Variants in DCC observed in about 807,000 individuals in gnomAD.
DCC encodes the protein DCC netrin 1 receptor, also known as netrin receptor DCC.
Under a neutral mutation model 172.5 loss-of-function variants are expected in DCC, and 58 were observed. The ratio of observed to expected loss-of-function variants is 0.34; its 90% CI spans 0.27 to 0.42. DCC has a LOEUF of 0.42. Among genes scored for constraint, DCC ranks in the 10% least tolerant of loss-of-function variants. The pLI is 1.00. For missense variants in DCC, 1,740 were observed against 1,791.0 expected (o/e 0.97, Z 0.51); for synonymous variants, 709 against 644.5 (o/e 1.10, Z -1.52).
At chr18:53,220,580 A>T (rs2055916654) in intron 12 of DCC, among the ~76,000 whole-genome samples, 2 of 152,188 alleles carry the variant, frequency 1.3e-5, no homozygotes, top group African/African-American at 4.8e-5. Context: ...ACTGCAGATG[A>T]TTGTATTTAT....
chr18:52,586,837 A>G (rs2033685444), intron 1 of DCC, among the ~76,000 whole-genome samples: 1 of 152,228 alleles, frequency 6.6e-6, no homozygotes, highest in African/African-American at 2.4e-5. Context: ...TCAAAAGGCC[A>G]TTCCAAAATT....
intron 9 of DCC, among the ~76,000 whole-genome samples, chr18:53,200,939 C>T (rs1482368187): frequency 6.6e-6 from 1 of 152,126 alleles, no homozygotes; most frequent in African/African-American, 2.4e-5. Flanking sequence ...GATATGGGCA[C>T]ACCTCACACT....
chr18:53,397,314 G>T lies in DCC; in HGVS notation c.2695G>T (p.Asp899Tyr). The change falls in exon 18 of 29, where the codon GAC (aspartate) becomes TAC (tyrosine). Residue 899 changes from aspartate (D) to tyrosine (Y), a missense_variant. Asp to Tyr is a radical substitution (Grantham distance 160). Coordinates refer to ENST00000442544, the MANE Select transcript of DCC (RefSeq NM_005215.4). ...FSASAKYKSE[D>Y]TTSLSYTATG... ...CTATTTCCTACTTGTATAGTCAGAA[G>T]ACACAACATCTCTAAGTTACACAGC... The T allele has an allele frequency of 1.2e-6, 2 of 1,613,388 alleles. No homozygotes were observed. Among genetic ancestry groups the T allele is most frequent in the Non-Finnish European group, 1.7e-6 (2 of 1,179,594 alleles).
intron 25 of DCC, among the ~76,000 whole-genome samples, chr18:53,475,746 G>A (rs2045754637): frequency 6.6e-6 from 1 of 152,204 alleles, no homozygotes; most frequent in Admixed American, 6.5e-5. Context: ...CCCCCACACA[G>A]AGTCCCTACT....
chr18:53,388,479 G>A (rs11082988), intron 16 of DCC, among the ~76,000 whole-genome samples: 64,424 of 152,050 alleles, frequency 0.42, 15,447 homozygotes, highest in Non-Finnish European at 0.55. Flanking sequence ...TAAGCATCAG[G>A]CTATAGAGTT....
At chr18:52,641,946 CAAA>C (rs913241472) in intron 1 of DCC, among the ~76,000 whole-genome samples, 1 of 150,522 alleles carries the variant, frequency 6.6e-6, no homozygotes, top group Non-Finnish European at 1.5e-5. Context: ...TTCACAATTG[CAAA>C]ATCATGGAAC....
chr18:53,390,075 T>C (rs1474735540), intron 16 of DCC, among the ~76,000 whole-genome samples: 1 of 152,182 alleles, frequency 6.6e-6, no homozygotes, highest in African/African-American at 2.4e-5. Flanking sequence ...CTTCCACTGC[T>C]ACACAAACCG....
chr18:53,369,439 T>G (rs1237755237), intron 15 of DCC, among the ~76,000 whole-genome samples: 1 of 151,858 alleles, frequency 6.6e-6, no homozygotes, highest in African/African-American at 2.4e-5. Context: ...CAATAAAATT[T>G]TACTTCTTTT....
intron 1 of DCC, among the ~76,000 whole-genome samples, chr18:52,478,364 T>C (rs1989156270): frequency 6.6e-6 from 1 of 152,198 alleles, no homozygotes; most frequent in African/African-American, 2.4e-5. Flanking sequence ...GAATCCCTGC[T>C]GAAGGGTTTA....
Position 52,771,197 on chromosome 18 carries a change from C to T in DCC, c.412+18823C>T, listed in dbSNP as rs183213152. Reference sequence around the variant, plus strand: ...GAGCTGGTGCTTGAGCCCAGATGCACGCACAGAATGGTACATGAAGCAGGC... The same window carrying T: ...GAGCTGGTGCTTGAGCCCAGATGCATGCACAGAATGGTACATGAAGCAGGC... On this transcript the variant is annotated intron_variant, in intron 2 of 28. Transcript: ENST00000442544. Among the ~76,000 whole-genome samples the T allele has an allele frequency of 6.8e-4, 103 of 152,164 alleles. 1 individual carries two copies. Among genetic ancestry groups the T allele is most frequent in the East Asian group, 6.8e-3 (35 of 5,172 alleles).
At chr18:52,410,009 C>G (rs1986790774) in intron 1 of DCC, among the ~76,000 whole-genome samples, 1 of 152,108 alleles carries the variant, frequency 6.6e-6, no homozygotes, top group African/African-American at 2.4e-5. Context: ...GCAGCATCAC[C>G]AGGACATCCC....
intron 1 of DCC, among the ~76,000 whole-genome samples, chr18:52,458,283 A>T (rs1384816397): frequency 1.3e-5 from 2 of 152,064 alleles, no homozygotes; most frequent in Non-Finnish European, 2.9e-5. Flanking sequence ...AGTTTATCCC[A>T]TGATCCTTCA....
At chr18:53,242,672 AC>A (rs1303385480) in intron 12 of DCC, among the ~76,000 whole-genome samples, 2 of 152,174 alleles carry the variant, frequency 1.3e-5, no homozygotes, top group Non-Finnish European at 2.9e-5. Context: ...GTCAATGACA[AC>A]CTGTTGTTGG....
At chr18:52,983,242 A>G (rs2041238802) in intron 5 of DCC, among the ~76,000 whole-genome samples, 1 of 152,170 alleles carries the variant, frequency 6.6e-6, no homozygotes, top group Admixed American at 6.5e-5. Context: ...CAACATTAGG[A>G]GTTAACCAGG....
intron 2 of DCC, among the ~76,000 whole-genome samples, chr18:52,899,602 G>A (rs562311956): frequency 3.3e-5 from 5 of 151,858 alleles, no homozygotes; most frequent in South Asian, 2.1e-4. Context: ...TGATCCGCCC[G>A]CCTCAGCCTC....
chr18:52,762,914 GGAAT>G (rs2037187033), intron 2 of DCC, among the ~76,000 whole-genome samples: 1 of 152,138 alleles, frequency 6.6e-6, no homozygotes, highest in South Asian at 2.1e-4. Flanking sequence ...GATCTGTAAA[GGAAT>G]GAGTTTACAC....
rs754277557 is a variant in DCC at position 53,066,178 on chromosome 18, G to A, written c.1261+12G>A. On this transcript the variant is annotated intron_variant, in intron 7 of 28. Coordinates refer to ENST00000442544, the MANE Select transcript of DCC (RefSeq NM_005215.4). The stretch of plus-strand genomic sequence containing the variant: ...TGTCCCTAAGCCTGGTAAGACAATG[G>A]GAACCTTGCTTTGGTACCTGGAATG... The A allele has an allele frequency of 1.9e-6, 3 of 1,611,662 alleles. No homozygotes were observed. Among genetic ancestry groups the A allele is most frequent in the South Asian group, 1.1e-5 (1 of 91,036 alleles).
intron 1 of DCC, among the ~76,000 whole-genome samples, chr18:52,538,254 T>C (rs1325870655): frequency 1.3e-5 from 2 of 152,188 alleles, no homozygotes; most frequent in African/African-American, 4.8e-5. Context: ...CTTTCTGCCT[T>C]CTTCACAGTA....
rs185904698 is a variant in DCC, at chr18:52,868,667, G to A, written c.413-37377G>A. Among the ~76,000 whole-genome samples, 76 of 152,296 alleles carry A rather than the reference G, an allele frequency of 5.0e-4. 1 individual carries two copies. The Middle Eastern group carries it at 0.01, about 20-fold the overall frequency. ...TTCATGACTGTGAAGCTCTGTGGCC[G>A]GTGGCACTTTTGCCCAAGTTTTGCT... On this transcript the variant is annotated intron_variant, in intron 2 of 28. Transcript: ENST00000442544.
Sources: allele counts gnomAD v4.1 joint callset (sites outside exome capture counted in the v4.1 genomes callset), GRCh38; gene constraint gnomAD v4.1.1; transcripts MANE v1.5; gene names NCBI Gene and HGNC (gene_info 2026-07-23, HGNC 2026-07-21).